Variants in CELF2 observed in about 807,000 individuals in gnomAD.
CELF2 encodes CUG triplet repeat RNA-binding protein 2.
In CELF2, 8 loss-of-function variants were observed where a neutral mutation model predicts 62.6. The ratio of observed to expected loss-of-function variants is 0.13; its 90% CI spans 0.07 to 0.23. The LOEUF is 0.23. Ranked by LOEUF, CELF2 falls within the 10% of genes least tolerant of loss-of-function variation. CELF2 has a pLI of 1.00. For missense variants in CELF2, 333 were observed against 671.0 expected, an observed-to-expected ratio of 0.50 and a Z score of 5.56; for synonymous variants, 258 against 250.0, an observed-to-expected ratio of 1.03 and a Z score of -0.30.
chr10:10,961,701 A>G (rs1383474942), intron 2 of CELF2, among the ~76,000 whole-genome samples: 1 of 152,044 alleles, frequency 6.6e-6, no homozygotes, highest in Non-Finnish European at 1.5e-5. Context: ...CAGTGAGCCA[A>G]GATGGCACCA....
rs975549291 is a variant in CELF2, at chr10:11,335,825, AC to A, written c.*6773del. 2.0e-5 allele frequency: 3 copies of A among 152,226 alleles called. No individual in the cohort carries two copies. Among genetic ancestry groups the A allele is most frequent in the African/African-American group, 7.2e-5 (3 of 41,442 alleles). 9.4% of individuals were successfully genotyped at this position (152,226 alleles called of 1,614,324 possible). ...CATAGTTCCACCATTTTGGCACAAG[AC>A]AAAATACTCATGCTAAGCAAAGGAA... On this transcript the variant is annotated 3_prime_UTR_variant, in exon 13 of 13. Transcript: ENST00000633077. The surrounding 1 kb of genome is among the most constrained non-coding windows in gnomAD (Gnocchi z 5.0).
At chr10:10,541,232 G>A in the CELF2 span, among the ~76,000 whole-genome samples, 1 of 87,058 alleles carries the variant, frequency 1.1e-5, no homozygotes, top group Non-Finnish European at 2.1e-5. Context: ...GACAGAATGA[G>A]ACCCCATCTC....
upstream of CELF2, among the ~76,000 whole-genome samples, chr10:11,003,137 C>T (rs897519411): frequency 6.6e-6 from 1 of 152,126 alleles, no homozygotes; most frequent in South Asian, 2.1e-4. This position sits in a 1 kb window ranked among gnomAD's most constrained non-coding sequence, Gnocchi z 4.4. Context: ...ATCTTAGTGG[C>T]GTTTAGACAG....
At chr10:10,540,865 C>T in the CELF2 span, among the ~76,000 whole-genome samples, 1 of 152,134 alleles carries the variant, frequency 6.6e-6, no homozygotes, top group African/African-American at 2.4e-5. Flanking sequence ...CAAAGGAATT[C>T]AGTATCCTGA....
intron 1 of CELF2, among the ~76,000 whole-genome samples, chr10:10,908,247 T>G (rs1339268395): frequency 1.2e-5 from 1 of 81,540 alleles, no homozygotes; most frequent in African/African-American, 5.5e-5. Context: ...TGAAACAGAG[T>G]CTTGCTCTGT....
At chr10:10,472,701 C>T in the CELF2 span, among the ~76,000 whole-genome samples, 1 of 151,860 alleles carries the variant, frequency 6.6e-6, no homozygotes, top group Non-Finnish European at 1.5e-5. Flanking sequence ...TCTGAGAATT[C>T]TTGCTCTGTT....
chr10:10,462,615 C>CTTTTTTTTTTTTTTTTTT, the CELF2 span, among the ~76,000 whole-genome samples: 36 of 69,416 alleles, frequency 5.2e-4, no homozygotes, highest in East Asian at 1.0e-3. Flanking sequence ...TTTTTTTCAT[C>CTTTTTTTTTTTTTTTTTT]TTTTTTTTTT....
Position 11,117,340 on chromosome 10 carries a change from T to C in CELF2, c.75-48146T>C, listed in dbSNP as rs17149549. Among the ~76,000 whole-genome samples the C allele has an allele frequency of 0.021, 3,250 of 152,312 alleles. 85 individuals are homozygous for C. The highest frequency in any genetic ancestry group is 0.053 in the African/African-American group (2,220 of 41,552). ...TTTCTTCATTCAACGGGTGTAACAA[T>C]ATAAATCCTGCTGATTTCACAAAAG... On this transcript the variant is annotated intron_variant, in intron 1 of 12. Transcript: ENST00000633077. The surrounding 1 kb of genome is among the most constrained non-coding windows in gnomAD (Gnocchi z 4.1).
rs557031331 is a variant in CELF2, at chr10:11,285,073, C to T, written c.842-3345C>T. ...GGATGGATGGATAGTTGGGTGGTTA[C>T]GCGGAATGATGGATGGATGGATGGG... On this transcript the variant is annotated intron_variant, in intron 8 of 12. Transcript: ENST00000633077. The surrounding 1 kb of genome is among the most constrained non-coding windows in gnomAD (Gnocchi z 4.3). Among the ~76,000 whole-genome samples the T allele has an allele frequency of 3.2e-5, 4 of 124,602 alleles. No individual in the cohort carries two copies. Among genetic ancestry groups the T allele is most frequent in the Admixed American group, 8.2e-5 (1 of 12,208 alleles). The allele number at this position is 124,602 out of a possible 152,430, so 81.7% of individuals were successfully genotyped here. A position where few individuals can be genotyped will look rare whatever the true frequency, so the allele number is the denominator to read the frequency against.
At position 11,058,070 on chromosome 10, in the gene CELF2, G is replaced by GAAAA. The variant is rs34621194; in HGVS notation, c.74+39919_74+39922dup. Among the ~76,000 whole-genome samples, 94 of 126,770 alleles carry GAAAA rather than the reference G, an allele frequency of 7.4e-4. 1 individual carries two copies. The East Asian group carries it at 0.02, about 27-fold the overall frequency. 83.2% of individuals were successfully genotyped at this position (126,770 alleles called of 152,430 possible). A position where few individuals can be genotyped will look rare whatever the true frequency, so the allele number is the denominator to read the frequency against. On this transcript the variant is annotated intron_variant, in intron 1 of 12. Coordinates refer to ENST00000633077, the MANE Select transcript of CELF2 (RefSeq NM_001326342.2). ...AAATGGGAATAGATTATCTGAAGAG[G>GAAAA]AAAAAAAAAAAAAAACGGAATCTAA...
At chr10:11,033,704 T>C (rs1773736532) in intron 1 of CELF2, among the ~76,000 whole-genome samples, 1 of 152,214 alleles carries the variant, frequency 6.6e-6, no homozygotes, top group African/African-American at 2.4e-5. Flanking sequence ...TTTAAAGTTA[T>C]CTAATTCTCA....
the CELF2 span, among the ~76,000 whole-genome samples, chr10:10,656,865 G>A: frequency 1.4e-5 from 2 of 143,280 alleles, no homozygotes; most frequent in South Asian, 2.2e-4. Context: ...AAAACTTAAA[G>A]TATAATTAAA....
intron 2 of CELF2, among the ~76,000 whole-genome samples, chr10:11,210,673 G>T (rs1000611141): frequency 2.6e-5 from 4 of 152,172 alleles, no homozygotes; most frequent in Non-Finnish European, 5.9e-5. Context: ...TGCTTCAGGC[G>T]GGTGGCTGCA....
At chr10:10,471,999 T>C in the CELF2 span, among the ~76,000 whole-genome samples, 2 of 151,860 alleles carry the variant, frequency 1.3e-5, no homozygotes, top group Admixed American at 1.3e-4. Flanking sequence ...AATTAATGTG[T>C]GTGTTTTCTC....
At chr10:10,902,896 GAAGGGAGGGAGGGAGAA>G (rs2063041603) in intron 1 of CELF2, among the ~76,000 whole-genome samples, 1 of 132,978 alleles carries the variant, frequency 7.5e-6, no homozygotes, top group African/African-American at 2.8e-5. Context: ...AGAGAGGGAA[GAAGGGAGGGAGGGAGAA>G]GAGGGAGGGA....
chr10:10,762,554 A>G, the CELF2 span, among the ~76,000 whole-genome samples: 1 of 152,164 alleles, frequency 6.6e-6, no homozygotes, highest in African/African-American at 2.4e-5. Context: ...ATCGAATTCA[A>G]ACTAACGCTC....
chr10:10,919,665 T>G (rs907239016), intron 1 of CELF2, among the ~76,000 whole-genome samples: 2 of 152,240 alleles, frequency 1.3e-5, no homozygotes, highest in Admixed American at 1.3e-4. Flanking sequence ...CTTTCTATTA[T>G]CCTTCTGGAT....
intron 1 of CELF2, among the ~76,000 whole-genome samples, chr10:11,148,825 G>A (rs977195731): frequency 2.1e-5 from 3 of 142,674 alleles, no homozygotes; most frequent in South Asian, 2.2e-4. Context: ...TGTTGTTATC[G>A]ATTATTATCT....
the CELF2 span, among the ~76,000 whole-genome samples, chr10:10,688,347 G>A: frequency 6.6e-6 from 1 of 152,172 alleles, no homozygotes; most frequent in Non-Finnish European, 1.5e-5. Flanking sequence ...GCAAAGCTAT[G>A]ACATTTCCAA....
Sources: allele counts gnomAD v4.1 joint callset (sites outside exome capture counted in the v4.1 genomes callset), GRCh38; gene constraint gnomAD v4.1.1; non-coding constraint Gnocchi (gnomAD v3.1); transcripts MANE v1.5; gene names NCBI Gene and HGNC (gene_info 2026-07-23, HGNC 2026-07-21).